EML6: variants seen among roughly 807,000 people sequenced by gnomAD.
EML6 encodes the protein echinoderm microtubule-associated protein-like 6.
A neutral mutation model predicts 240.1 loss-of-function variants in EML6; 154 were observed. The observed-to-expected ratio is 0.64, with a 90% CI of 0.56 to 0.73. The LOEUF (loss-of-function observed/expected upper bound fraction) is 0.73. Ranked by LOEUF, EML6 falls within the 30% of genes least tolerant of loss-of-function variation. EML6 has a pLI of 0.00. For missense variants in EML6, 2,964 were observed against 2,474.6 expected (o/e 1.20, Z -4.20); for synonymous variants, 1,148 against 899.0 (o/e 1.28, Z -4.95).
intron 16 of EML6, among the ~76,000 whole-genome samples, chr2:54,871,883 T>G (rs1671278050): frequency 1.3e-5 from 2 of 152,250 alleles, no homozygotes; most frequent in African/African-American, 4.8e-5. Flanking sequence ...TACCCAGAGC[T>G]CACACTGTGT....
chr2:54,840,180 C>T (rs1669368102), intron 7 of EML6, among the ~76,000 whole-genome samples: 1 of 152,148 alleles, frequency 6.6e-6, no homozygotes, highest in East Asian at 1.9e-4. Flanking sequence ...AAATTCAAGT[C>T]ATTTGGCCTT....
intron 22 of EML6, among the ~76,000 whole-genome samples, chr2:54,902,038 C>T (rs951620258): frequency 2.0e-5 from 3 of 152,172 alleles, no homozygotes; most frequent in African/African-American, 4.8e-5. Flanking sequence ...CTTCGCGTGA[C>T]AGAAGAGGCA....
Position 54,881,554 on chromosome 2 carries a change from C to G in EML6, c.2438+1914C>G, listed in dbSNP as rs372698740. On this transcript the variant is annotated intron_variant, in intron 17 of 41. Transcript: ENST00000356458. ...CCTGTAATCCTAGCTACTCAGGAGG[C>G]AGGAAAATCGCTTGAACCTGGGAGG... The G allele has an allele frequency of 2.1e-5, 3 of 146,328 alleles. No individual in the cohort carries two copies. The Admixed American group carries it at 2.1e-4, about 10-fold the overall frequency. 9.1% of individuals were successfully genotyped at this position (146,328 alleles called of 1,614,324 possible). A position where few individuals can be genotyped will look rare whatever the true frequency, so the allele number is the denominator to read the frequency against.
At chr2:54,919,788 T>C (rs748641247) in intron 26 of EML6, among the ~76,000 whole-genome samples, 30 of 152,172 alleles carry the variant, frequency 2.0e-4, no homozygotes, top group Non-Finnish European at 5.9e-5. Context: ...GGCTTATCTA[T>C]ATATTAGTCA....
chr2:54,773,767 A>G (rs950116264), intron 2 of EML6, among the ~76,000 whole-genome samples: 4 of 152,178 alleles, frequency 2.6e-5, no homozygotes, highest in Non-Finnish European at 4.4e-5. Context: ...GAACATCCAT[A>G]TCTGTTTCTT....
intron 26 of EML6, among the ~76,000 whole-genome samples, chr2:54,918,751 C>G (rs1049617927): frequency 6.6e-6 from 1 of 152,210 alleles, no homozygotes; most frequent in Non-Finnish European, 1.5e-5. Flanking sequence ...AAGAAGACAT[C>G]ATTAAATTCT....
rs756700188 is a variant in EML6 at position 54,928,499 on chromosome 2, G to C, written c.3862G>C (p.Val1288Leu). 3 of 1,545,704 alleles carry C rather than the reference G, an allele frequency of 1.9e-6. No individual in the cohort carries two copies. The highest frequency in any genetic ancestry group is 1.7e-6 in the Non-Finnish European group (2 of 1,143,144). ...LVDSEESDTD[V>L]EEDGGYDSDV... ...GGACAGCGAGGAGTCAGACACCGAC[G>C]TGGAAGAGGATGGAGGTGAGCCCCC... The change falls in exon 27 of 42, where the codon GTG (valine) becomes CTG (leucine). Residue 1288 changes from valine to leucine, a missense_variant. Val to Leu is a conservative substitution (Grantham distance 32, BLOSUM62 1). Coordinates refer to ENST00000356458, the MANE Select transcript of EML6 (RefSeq NM_001039753.4).
chr2:54,912,296 AC>A (rs1431239047), intron 25 of EML6, among the ~76,000 whole-genome samples: 21 of 152,234 alleles, frequency 1.4e-4, no homozygotes, highest in African/African-American at 4.8e-4. Flanking sequence ...CCTCTTTTTA[AC>A]TTTTTTATAT....
chr2:54,891,778 A>G (rs1672481904), intron 18 of EML6, among the ~76,000 whole-genome samples: 1 of 152,184 alleles, frequency 6.6e-6, no homozygotes, highest in South Asian at 2.1e-4. Flanking sequence ...TTGCTTTTAA[A>G]AGAAGGTAAT....
At chr2:54,952,807 T>C in intron 31 of EML6, 115 bp downstream of exon 31, 1 of 679,872 alleles carries the variant, frequency 1.5e-6, no homozygotes, top group East Asian at 2.7e-5. Context: ...CTTGTTGATG[T>C]TGCTGTTGAT....
intron 28 of EML6, among the ~76,000 whole-genome samples, chr2:54,947,990 G>A (rs1205815189): frequency 6.6e-6 from 1 of 152,210 alleles, no homozygotes; most frequent in Non-Finnish European, 1.5e-5. Context: ...ACTTGGCTTT[G>A]TTTGCTGCTT....
intron 2 of EML6, among the ~76,000 whole-genome samples, chr2:54,734,913 G>A (rs1683327309): frequency 1.3e-5 from 2 of 152,260 alleles, no homozygotes; most frequent in South Asian, 4.1e-4. Context: ...CCCACAAGAT[G>A]TTCTCCACGG....
intron 9 of EML6, among the ~76,000 whole-genome samples, chr2:54,848,375 C>T (rs1669883896): frequency 6.6e-6 from 1 of 152,164 alleles, no homozygotes; most frequent in South Asian, 2.1e-4. Context: ...ATGGTCTTAG[C>T]ACAGTTTATT....
rs200763117 is a variant in EML6 at position 54,907,900 on chromosome 2, TTAGATAGATAGA to T, written c.3410-3019_3410-3008del. On this transcript the variant is annotated intron_variant, in intron 24 of 41. Coordinates refer to ENST00000356458, the MANE Select transcript of EML6 (RefSeq NM_001039753.4). ...AGATAGATTAGATAGATTAGATAGA[TTAGATAGATAGA>T]TAGATAGATAGATAGATAGATAGAT... Among the ~76,000 whole-genome samples, 876 of 136,274 alleles carry T rather than the reference TTAGATAGATAGA, an allele frequency of 6.4e-3. 10 individuals are homozygous for T. Among genetic ancestry groups the T allele is most frequent in the African/African-American group, 0.013 (466 of 35,990 alleles). 89.4% of individuals were successfully genotyped at this position (136,274 alleles called of 152,430 possible). A position where few individuals can be genotyped will look rare whatever the true frequency, so the allele number is the denominator to read the frequency against.
At chr2:54,933,637 G>C (rs1054357134) in intron 28 of EML6, among the ~76,000 whole-genome samples, 2 of 152,076 alleles carry the variant, frequency 1.3e-5, no homozygotes, top group African/African-American at 4.8e-5. Context: ...GGGAGGCTGA[G>C]GCACCAATCG....
At chr2:54,869,857 T>A (rs1346210032) in intron 15 of EML6, among the ~76,000 whole-genome samples, 1 of 152,146 alleles carries the variant, frequency 6.6e-6, no homozygotes, top group Non-Finnish European at 1.5e-5. Flanking sequence ...TGCCTTAACC[T>A]TAGATTGAGT....
chr2:54,758,530 G>A (rs1201296463), intron 2 of EML6, among the ~76,000 whole-genome samples: 1 of 152,062 alleles, frequency 6.6e-6, no homozygotes, highest in African/African-American at 2.4e-5. Context: ...TTTTCTCTGG[G>A]ACGGTTTTCC....
chr2:54,969,590 G>A (rs929923004), intron 41 of EML6, among the ~76,000 whole-genome samples: 1 of 152,204 alleles, frequency 6.6e-6, no homozygotes, highest in South Asian at 2.1e-4. Context: ...AGGAGTAAAA[G>A]ACGTAAATGA....
intron 5 of EML6, among the ~76,000 whole-genome samples, chr2:54,823,457 A>G (rs1322948358): frequency 2.1e-5 from 1 of 48,552 alleles, no homozygotes; most frequent in East Asian, 4.2e-4. Context: ...CCTATTCCAT[A>G]GTTTTTTTTA....
Sources: allele counts gnomAD v4.1 joint callset (sites outside exome capture counted in the v4.1 genomes callset), GRCh38; gene constraint gnomAD v4.1.1; transcripts MANE v1.5; gene names NCBI Gene and HGNC (gene_info 2026-07-23, HGNC 2026-07-21).